The following FBXO42 variants were observed in gnomAD, a reference collection of about 807,000 sequenced individuals.
FBXO42 encodes the protein F-box only protein 42.
FBXO42 carries 12 observed loss-of-function variants against 71.7 expected under a neutral mutation model. The ratio of observed to expected loss-of-function variants is 0.17; its 90% CI spans 0.11 to 0.27. The LOEUF is 0.27. Among genes scored for constraint, FBXO42 ranks in the 10% least tolerant of loss-of-function variants. The pLI is 1.00. For synonymous variants in FBXO42, 325 were observed against 327.5 expected (o/e 0.99, Z 0.08); for missense variants, 707 against 911.9 (o/e 0.78, Z 2.89).
intron 1 of FBXO42, among the ~76,000 whole-genome samples, chr1:16,334,418 C>CAA (rs757658037): frequency 0.04 from 2,067 of 51,366 alleles, 99 homozygotes; most frequent in African/African-American, 0.1. Flanking sequence ...GACTCCGCCT[C>CAA]AAAAAAAAAA....
At chr1:16,317,066 A>AG (rs1384807202) in intron 1 of FBXO42, among the ~76,000 whole-genome samples, 1 of 152,200 alleles carries the variant, frequency 6.6e-6, no homozygotes, top group East Asian at 1.9e-4. Context: ...GGATCACCTG[A>AG]GGTCAGGAGT....
chr1:16,251,666 G>A lies in FBXO42; in HGVS notation c.1158C>T (p.Thr386=). Residue 386 remains threonine, a synonymous_variant, in exon 10 of 10, where the codon ACC becomes ACT. Coordinates refer to ENST00000375592, the MANE Select transcript of FBXO42 (RefSeq NM_018994.3). The surrounding 1 kb of genome is among the most constrained non-coding windows in gnomAD (Gnocchi z 4.5). Reference sequence around the variant, plus strand: ...CTGGAGACTGAGAGCGGTACTCTCGGGTTTCAGGAACGAGAGCTGGAGGAG... The same window carrying A: ...CTGGAGACTGAGAGCGGTACTCTCGAGTTTCAGGAACGAGAGCTGGAGGAG... ...SATPPALVPE[T]REYRSQSPVR... The A allele has an allele frequency of 6.2e-7, 1 of 1,614,144 alleles. No homozygotes were observed. The highest frequency in any genetic ancestry group is 8.5e-7 in the Non-Finnish European group (1 of 1,180,034).
At chr1:16,259,336 AAC>A (rs1341636517) in intron 4 of FBXO42, among the ~76,000 whole-genome samples, 1 of 152,220 alleles carries the variant, frequency 6.6e-6, no homozygotes, top group East Asian at 1.9e-4. Context: ...AGTACTATGA[AAC>A]AGTTAGAAAA....
intron 4 of FBXO42, among the ~76,000 whole-genome samples, chr1:16,274,772 A>G (rs1335078963): frequency 6.6e-6 from 1 of 151,214 alleles, no homozygotes; most frequent in East Asian, 1.9e-4. Flanking sequence ...TTTGTATTTC[A>G]GTAGAGACAG....
chr1:16,268,369 T>C (rs932534111), intron 4 of FBXO42, among the ~76,000 whole-genome samples: 7 of 152,330 alleles, frequency 4.6e-5, no homozygotes, highest in Non-Finnish European at 7.4e-5. Context: ...GTATACACCT[T>C]AGAAAAGCAT....
intron 1 of FBXO42, among the ~76,000 whole-genome samples, chr1:16,341,467 G>A (rs1569948466): frequency 6.6e-6 from 1 of 151,966 alleles, no homozygotes. Flanking sequence ...GGGAGTGGTG[G>A]TGCACGCCTG....
intron 4 of FBXO42, among the ~76,000 whole-genome samples, chr1:16,272,217 G>A (rs2081855135): frequency 6.7e-6 from 1 of 148,938 alleles, no homozygotes; most frequent in Non-Finnish European, 1.5e-5. Flanking sequence ...ACAGCATGAA[G>A]TCTGGCCAGA....
chr1:16,265,171 G>A (rs2081757659), intron 4 of FBXO42, among the ~76,000 whole-genome samples: 2 of 152,162 alleles, frequency 1.3e-5, no homozygotes, highest in African/African-American at 2.4e-5. Context: ...TCGGCTCACC[G>A]CAGCCTCTGC....
chr1:16,291,421 C>G (rs1275581224), intron 4 of FBXO42, among the ~76,000 whole-genome samples: 1 of 151,946 alleles, frequency 6.6e-6, no homozygotes, highest in Non-Finnish European at 1.5e-5. Context: ...CACTCCGCCA[C>G]CCAGGCTGGG....
intron 5 of FBXO42, among the ~76,000 whole-genome samples, chr1:16,256,123 C>T (rs1384753418): frequency 1.3e-5 from 2 of 152,234 alleles, no homozygotes; most frequent in African/African-American, 4.8e-5. Flanking sequence ...CACCTGCTAC[C>T]TTTCCCTATG....
Position 16,253,107 on chromosome 1 carries a change from C to T in FBXO42, c.910G>A (p.Gly304Ser), listed in dbSNP as rs747435768. Residue 304 changes from glycine to serine, a missense_variant, in exon 8 of 10, where the codon GGT becomes AGT. Transcript: ENST00000375592. ...GAAGCAATACTCACAGCATTGGGAC[C>T]GCCACACCCTCCGAGGATTAAGATA... ...ATILILGGCG[G>S]PNALFKDAWL... 2 of 1,613,406 alleles carry T rather than the reference C, an allele frequency of 1.2e-6. No individual in the cohort carries two copies. The highest frequency in any genetic ancestry group is 1.7e-5 in the Admixed American group (1 of 59,856).
At chr1:16,340,737 G>A (rs182028131) in intron 1 of FBXO42, among the ~76,000 whole-genome samples, 1 of 152,088 alleles carries the variant, frequency 6.6e-6, no homozygotes, top group African/African-American at 2.4e-5. Context: ...TGAGCAATAG[G>A]CTTAAAATAC....
chr1:16,315,516 T>C, intron 1 of FBXO42, 81 bp from the exon 2 acceptor site: 1 of 1,413,362 alleles, frequency 7.1e-7, no homozygotes, highest in Non-Finnish European at 9.6e-7. Flanking sequence ...CCAAGCTCTT[T>C]GTAATTTCGT....
chr1:16,328,512 A>G (rs1236214380), intron 1 of FBXO42, among the ~76,000 whole-genome samples: 1 of 152,238 alleles, frequency 6.6e-6, no homozygotes, highest in African/African-American at 2.4e-5. Context: ...CAAGGAAGGA[A>G]GATAGAATGA....
At chr1:16,259,619 A>G (rs2081685977) in intron 4 of FBXO42, among the ~76,000 whole-genome samples, 1 of 152,106 alleles carries the variant, frequency 6.6e-6, no homozygotes, top group South Asian at 2.1e-4. Context: ...TTAAAAAATT[A>G]GCCAGGCATG....
At chr1:16,329,630 A>C (rs1319759871) in intron 1 of FBXO42, among the ~76,000 whole-genome samples, 1 of 151,640 alleles carries the variant, frequency 6.6e-6, no homozygotes, top group East Asian at 1.9e-4. Flanking sequence ...GAATATCCAC[A>C]AATTCATATT....
intron 1 of FBXO42, among the ~76,000 whole-genome samples, chr1:16,317,532 G>C (rs138121880): frequency 6.6e-6 from 1 of 152,100 alleles, no homozygotes; most frequent in Non-Finnish European, 1.5e-5. Context: ...GGATGCAGAG[G>C]TTGCAGTTAG....
intron 3 of FBXO42, among the ~76,000 whole-genome samples, chr1:16,300,613 C>G (rs772548437): frequency 2.0e-5 from 3 of 152,170 alleles, no homozygotes; most frequent in Non-Finnish European, 4.4e-5. Context: ...GTGTCTCACA[C>G]CTACAAGCCA....
intron 1 of FBXO42, among the ~76,000 whole-genome samples, chr1:16,349,088 G>A: frequency 6.6e-6 from 1 of 152,164 alleles, no homozygotes; most frequent in Non-Finnish European, 1.5e-5. Flanking sequence ...CATAACTGGG[G>A]CATACTGTGT....
Sources: allele counts gnomAD v4.1 joint callset (sites outside exome capture counted in the v4.1 genomes callset), GRCh38; gene constraint gnomAD v4.1.1; non-coding constraint Gnocchi (gnomAD v3.1); transcripts MANE v1.5; gene names NCBI Gene and HGNC (gene_info 2026-07-23, HGNC 2026-07-21).